SCN3A: variants seen among roughly 807,000 people sequenced by gnomAD.
SCN3A encodes the protein sodium voltage-gated channel alpha subunit 3.
Under a neutral mutation model 187.6 loss-of-function variants are expected in SCN3A, and 60 were observed. The observed-to-expected ratio is 0.32, with a 90% CI of 0.26 to 0.40. The LOEUF (loss-of-function observed/expected upper bound fraction) is 0.40. SCN3A is among the 10% of genes least tolerant of loss of function. SCN3A has a pLI of 1.00. For synonymous variants in SCN3A, 788 were observed against 829.2 expected (o/e 0.95, Z 0.85); for missense variants, 1,601 against 2,428.2 (o/e 0.66, Z 7.16).
intron 16 of SCN3A, 190 bp from the exon 17 acceptor site, chr2:165,130,486 C>A (rs1559210857): frequency 3.3e-6 from 2 of 604,118 alleles, no homozygotes; most frequent in Non-Finnish European, 5.7e-6. Flanking sequence ...GTCATAATAT[C>A]ATTTAAGTGC....
intron 21 of SCN3A, among the ~76,000 whole-genome samples, chr2:165,107,819 A>G (rs1158211006): frequency 6.6e-6 from 1 of 152,242 alleles, no homozygotes; most frequent in Non-Finnish European, 1.5e-5. Flanking sequence ...AAATAATAAT[A>G]CAAAAAATCA....
intron 1 of SCN3A, among the ~76,000 whole-genome samples, chr2:165,198,651 T>TC (rs956093656): frequency 2.0e-4 from 30 of 152,124 alleles, no homozygotes; most frequent in African/African-American, 7.2e-4. Context: ...GGGCATGCAT[T>TC]CACTTTCTAG....
chr2:165,195,104 A>G (rs1298739229), intron 1 of SCN3A: 1 of 152,154 alleles, frequency 6.6e-6, no homozygotes, highest in African/African-American at 2.4e-5. Flanking sequence ...ATTATATATG[A>G]TAAAAAATTT....
intron 3 of SCN3A, among the ~76,000 whole-genome samples, chr2:165,174,689 A>G (rs982758967): frequency 1.3e-5 from 2 of 152,170 alleles, no homozygotes; most frequent in Admixed American, 6.5e-5. Flanking sequence ...TTTTCACCGG[A>G]TAATATTTTG....
Position 165,140,543 on chromosome 2 carries a change from A to G in SCN3A, c.2019+108T>C. 1 of 901,568 alleles carries G rather than the reference A, an allele frequency of 1.1e-6. No homozygotes were observed. The highest frequency in any genetic ancestry group is 1.8e-6 in the Non-Finnish European group (1 of 550,048). 55.8% of individuals were successfully genotyped at this position (901,568 alleles called of 1,614,324 possible). A position where few individuals can be genotyped will look rare whatever the true frequency, so the allele number is the denominator to read the frequency against. ...TGATTAATCATGTATTATTTTTACC[A>G]ACTTTCATTTTGAGGAAGCAGGACG... On this transcript the variant is annotated intron_variant, in intron 13 of 27. Coordinates refer to ENST00000283254, the MANE Select transcript of SCN3A (RefSeq NM_006922.4). The surrounding 1 kb of genome is among the most constrained non-coding windows in gnomAD (Gnocchi z 4.2).
At chr2:165,155,646 G>A (rs1004226990) in intron 10 of SCN3A, 116 bp downstream of exon 10, 13 of 1,138,876 alleles carry the variant, frequency 1.1e-5, no homozygotes, top group South Asian at 2.7e-5. Context: ...TGATCCATCC[G>A]CCTCTGCCTC....
chr2:165,103,238 G>T lies in SCN3A; in HGVS notation c.3844-2814C>A, dbSNP rs1194427534. Among the ~76,000 whole-genome samples the T allele has an allele frequency of 3.3e-5, 5 of 152,232 alleles. No homozygotes were observed. In the East Asian group the frequency reaches 9.7e-4, roughly 29 times the overall value. Reference sequence around the variant, plus strand: ...AAGTTTGAAGATAATGACTACATTGGTAGGGTGCTTTACAATTCACAGTGA... The same window carrying T: ...AAGTTTGAAGATAATGACTACATTGTTAGGGTGCTTTACAATTCACAGTGA... On this transcript the variant is annotated intron_variant, in intron 21 of 27. Coordinates refer to ENST00000283254, the MANE Select transcript of SCN3A (RefSeq NM_006922.4).
chr2:165,106,377 G>T (rs1685859763), intron 21 of SCN3A, among the ~76,000 whole-genome samples: 1 of 152,098 alleles, frequency 6.6e-6, no homozygotes, highest in South Asian at 2.1e-4. Flanking sequence ...TTTGTTAATA[G>T]ATGCATCATC....
intron 18 of SCN3A, among the ~76,000 whole-genome samples, chr2:165,124,804 C>G (rs946250273): frequency 6.6e-6 from 1 of 152,142 alleles, no homozygotes; most frequent in Non-Finnish European, 1.5e-5. Flanking sequence ...ACTTATTGCC[C>G]TAGCTGAGAA....
intron 2 of SCN3A, among the ~76,000 whole-genome samples, chr2:165,177,206 C>T (rs759459093): frequency 6.6e-5 from 10 of 152,072 alleles, no homozygotes; most frequent in Non-Finnish European, 1.5e-4. Flanking sequence ...TCAATTATTC[C>T]AAGACAATTT....
intron 1 of SCN3A, among the ~76,000 whole-genome samples, chr2:165,203,464 T>C (rs1451617742): frequency 6.6e-6 from 1 of 152,040 alleles, no homozygotes; most frequent in African/African-American, 2.4e-5. Context: ...GTTTAAAAAA[T>C]ACTGGACACA....
chr2:165,183,812 G>C (rs1574322363), intron 2 of SCN3A, among the ~76,000 whole-genome samples: 1 of 152,096 alleles, frequency 6.6e-6, no homozygotes, highest in East Asian at 1.9e-4. Flanking sequence ...TCAGAAGGCT[G>C]TAAATTTTTC....
chr2:165,147,469 A>G (rs914337387), intron 11 of SCN3A, among the ~76,000 whole-genome samples: 1 of 151,940 alleles, frequency 6.6e-6, no homozygotes, highest in Admixed American at 6.6e-5. Context: ...AGTACAAAAG[A>G]CTGTTTCTTT....
chr2:165,198,442 C>T (rs1310487026), intron 1 of SCN3A, among the ~76,000 whole-genome samples: 1 of 151,980 alleles, frequency 6.6e-6, no homozygotes, highest in Non-Finnish European at 1.5e-5. Context: ...AAAAAGAAAC[C>T]TTGCAATTCC....
At chr2:165,138,839 G>A (rs1486736676) in intron 14 of SCN3A, among the ~76,000 whole-genome samples, 1 of 152,056 alleles carries the variant, frequency 6.6e-6, no homozygotes, top group Non-Finnish European at 1.5e-5. Context: ...GATCTAAAAA[G>A]GGCAGTACTA....
intron 21 of SCN3A, among the ~76,000 whole-genome samples, chr2:165,108,722 C>T (rs1233653837): frequency 1.3e-5 from 2 of 152,034 alleles, no homozygotes; most frequent in African/African-American, 4.8e-5. Flanking sequence ...ATTGTGTGGT[C>T]AATAGCAGCA....
rs1344898634 is a variant in SCN3A, at chr2:165,154,361, G to A, written c.1380+91C>T. The A allele has an allele frequency of 3.0e-6, 4 of 1,337,474 alleles. No individual in the cohort carries two copies. The Admixed American group carries it at 7.9e-5, about 26-fold the overall frequency. The allele number at this position is 1,337,474 out of a possible 1,614,324, so 82.9% of individuals were successfully genotyped here. On this transcript the variant is annotated intron_variant, in intron 11 of 27. Transcript: ENST00000283254. ...CAATGCCTATATATAAAATGAAAAA[G>A]CAGTTCCAATCTACCCTCTATAGTA...
At chr2:165,121,064 AT>A (rs201334727) in intron 18 of SCN3A, among the ~76,000 whole-genome samples, 2,337 of 146,884 alleles carry the variant, frequency 0.016, 29 homozygotes, top group Middle Eastern at 0.046. Context: ...ACCAGCTTTA[AT>A]TTTTTTTTTT....
chr2:165,100,802 T>C (rs933848374), intron 21 of SCN3A, among the ~76,000 whole-genome samples: 1 of 152,232 alleles, frequency 6.6e-6, no homozygotes, highest in Non-Finnish European at 1.5e-5. Context: ...CTTGAGTTTA[T>C]GTAATATCTT....
Sources: gnomAD v4.1 joint callset for allele counts (sites outside exome capture counted in the v4.1 genomes callset) on GRCh38, gnomAD v4.1.1 for gene constraint, Gnocchi (gnomAD v3.1) non-coding constraint, MANE v1.5 for transcripts, NCBI Gene and HGNC (gene_info 2026-07-23, HGNC 2026-07-21) for gene names.